Variants in ABCC1 observed in about 807,000 individuals in gnomAD.
ABCC1 encodes the protein multidrug resistance-associated protein 1.
ABCC1 carries 83 observed loss-of-function variants against 172.9 expected under a neutral mutation model. The observed-to-expected ratio is 0.48, with a 90% CI of 0.40 to 0.58. The LOEUF (loss-of-function observed/expected upper bound fraction) is 0.58. Among genes scored for constraint, ABCC1 ranks in the 20% least tolerant of loss-of-function variants. The probability of loss-of-function intolerance (pLI) is 0.00; values close to 1 mark genes in which losing one functional copy is unlikely to be tolerated. For missense variants in ABCC1, 1,817 were observed against 2,002.7 expected, an observed-to-expected ratio of 0.91 and a Z score of 1.77; for synonymous variants, 937 against 825.2, an observed-to-expected ratio of 1.14 and a Z score of -2.32.
At chr16:16,065,934 G>T (rs993366676) in intron 12 of ABCC1, among the ~76,000 whole-genome samples, 3 of 151,974 alleles carry the variant, frequency 2.0e-5, no homozygotes, top group East Asian at 1.9e-4. Flanking sequence ...CAATTCAGTG[G>T]TTTTTTTGTG....
chr16:16,123,026 T>C (rs1158389935), intron 24 of ABCC1, among the ~76,000 whole-genome samples: 4 of 152,202 alleles, frequency 2.6e-5, no homozygotes. Context: ...TGCATCCTTA[T>C]AGACTTTTCT....
rs573963992 is a variant in ABCC1, at chr16:16,079,344, C to T, written c.1989-8C>T. 16 of 1,613,552 alleles carry T rather than the reference C, an allele frequency of 9.9e-6. No individual in the cohort carries two copies. The highest frequency in any genetic ancestry group is 8.9e-5 in the East Asian group (4 of 44,876). On this transcript the variant is annotated splice_region_variant and splice_polypyrimidine_tract_variant and intron_variant, in intron 15 of 30. Coordinates refer to ENST00000399410, the MANE Select transcript of ABCC1 (RefSeq NM_004996.4). The stretch of plus-strand genomic sequence containing the variant: ...CGTGGCTGAGCCAGGTGTGTTGTGT[C>T]GTTTCAGCATCACCTTCTCCATCCC...
At chr16:16,098,938 T>C in intron 19 of ABCC1, 1 of 1,350,476 alleles carries the variant, frequency 7.4e-7, no homozygotes, top group Middle Eastern at 2.2e-4. Context: ...GCTTGGCTCA[T>C]AGAATGAGGC....
intron 1 of ABCC1, among the ~76,000 whole-genome samples, chr16:15,966,141 G>C (rs1376218911): frequency 6.6e-6 from 1 of 152,018 alleles, no homozygotes; most frequent in Non-Finnish European, 1.5e-5. Flanking sequence ...ACAGCAGGGC[G>C]CGGTGGCTCA....
intron 19 of ABCC1, chr16:16,099,001 C>T (rs1237714874): frequency 4.6e-6 from 5 of 1,080,566 alleles, no homozygotes; most frequent in Admixed American, 1.9e-5. Context: ...CGTCAGATGT[C>T]TGTGTTTTCA....
intron 19 of ABCC1, among the ~76,000 whole-genome samples, chr16:16,096,576 C>T (rs748132763): frequency 3.9e-5 from 6 of 152,100 alleles, no homozygotes; most frequent in Non-Finnish European, 8.8e-5. Context: ...CTTTCTCTGC[C>T]GAGGCTGGGG....
intron 1 of ABCC1, among the ~76,000 whole-genome samples, chr16:15,952,093 G>C (rs2045887382): frequency 1.3e-5 from 2 of 152,314 alleles, no homozygotes; most frequent in South Asian, 4.1e-4. Context: ...CCCTCTGTGT[G>C]CCTCACTTTC....
In ABCC1 at chr16:15,997,981, TGTA is replaced by T. The variant is rs1597089619; in HGVS notation, c.49-9834_49-9832del. Among the ~76,000 whole-genome samples, 3 of 151,260 alleles carry T rather than the reference TGTA, an allele frequency of 2.0e-5. No homozygotes were observed. In the East Asian group the frequency reaches 5.8e-4, roughly 29 times the overall value. ...GGCATTTGCCACCATGGCTGGCTAA[TGTA>T]TTTTTTTTTTCTTTTTCAGTAGAGA... On this transcript the variant is annotated intron_variant, in intron 1 of 30. Coordinates refer to ENST00000399410, the MANE Select transcript of ABCC1 (RefSeq NM_004996.4).
chr16:16,012,699 T>C (rs1251391801), intron 3 of ABCC1, among the ~76,000 whole-genome samples: 1 of 136,086 alleles, frequency 7.3e-6, no homozygotes, highest in African/African-American at 3.3e-5. Context: ...TTTTTTTTTT[T>C]TCCTTTGAGG....
Position 16,136,794 on chromosome 16 carries a change from G to T in ABCC1, c.4292+150G>T, listed in dbSNP as rs913333239. ...TTCACCTCTTGGAGCCTCAGTTTCT[G>T]TATCTGTAAAACGGGTCTCAATCCA... On this transcript the variant is annotated intron_variant, in intron 29 of 30. Transcript: ENST00000399410. 35 of 943,378 alleles carry T rather than the reference G, an allele frequency of 3.7e-5. 1 individual carries two copies. In the Admixed American group the frequency reaches 9.7e-4, roughly 26 times the overall value. 58.4% of individuals were successfully genotyped at this position (943,378 alleles called of 1,614,324 possible). A position where few individuals can be genotyped will look rare whatever the true frequency, so the allele number is the denominator to read the frequency against.
chr16:16,128,994 C>T (rs1020973062), intron 26 of ABCC1, among the ~76,000 whole-genome samples: 6 of 151,050 alleles, frequency 4.0e-5, no homozygotes, highest in South Asian at 2.1e-4. Context: ...GACTCTGTCT[C>T]GAAAAACAAA....
In ABCC1 at chr16:16,131,661, AC is replaced by A. The variant is rs1236098709; in HGVS notation, c.3820-122del. ...GGGGAATAACATTCCAGGAAGGGCA[AC>A]CCCCCAGTGCTGAGGCCTGGGAGGC... On this transcript the variant is annotated intron_variant, in intron 26 of 30. Coordinates refer to ENST00000399410, the MANE Select transcript of ABCC1 (RefSeq NM_004996.4). 9 of 1,005,188 alleles carry A rather than the reference AC, an allele frequency of 9.0e-6. No individual in the cohort carries two copies. The East Asian group carries it at 1.3e-4, about 15-fold the overall frequency. The allele number at this position is 1,005,188 out of a possible 1,614,324, so 62.3% of individuals were successfully genotyped here. A position where few individuals can be genotyped will look rare whatever the true frequency, so the allele number is the denominator to read the frequency against.
chr16:16,001,441 C>G (rs543644359), intron 1 of ABCC1, among the ~76,000 whole-genome samples: 1 of 152,134 alleles, frequency 6.6e-6, no homozygotes, highest in South Asian at 2.1e-4. Flanking sequence ...ACCTCGTGAT[C>G]CACCCACCTC....
intron 27 of ABCC1, among the ~76,000 whole-genome samples, chr16:16,132,506 GGTTGTTTTTTTTTTTT>G (rs528111459): frequency 0.024 from 2,385 of 100,944 alleles, 129 homozygotes; most frequent in African/African-American, 0.077. Flanking sequence ...TTTTTTGGTT[GGTTGTTTTTTTTTTTT>G]TTTTTTTTTT....
At chr16:15,989,690 G>A (rs769228062) in intron 1 of ABCC1, among the ~76,000 whole-genome samples, 3 of 152,074 alleles carry the variant, frequency 2.0e-5, no homozygotes, top group Non-Finnish European at 2.9e-5. Context: ...AATCCAGGAC[G>A]GTCCTGCCCC....
chr16:16,136,009 C>A (rs1174996590), intron 28 of ABCC1, among the ~76,000 whole-genome samples: 2 of 78,594 alleles, frequency 2.5e-5, no homozygotes, highest in Non-Finnish European at 5.4e-5. Flanking sequence ...TCAGACTTTC[C>A]AGACTTTTTT....
chr16:16,031,570 G>A (rs181250697), intron 5 of ABCC1, among the ~76,000 whole-genome samples: 2 of 152,244 alleles, frequency 1.3e-5, no homozygotes, highest in Admixed American at 1.3e-4. Flanking sequence ...ACAGCCTCCA[G>A]TGTAGACTAC....
At chr16:16,088,021 T>A (rs988634013) in intron 18 of ABCC1, among the ~76,000 whole-genome samples, 3 of 152,144 alleles carry the variant, frequency 2.0e-5, no homozygotes, top group African/African-American at 7.2e-5. Context: ...TATTTTAAAA[T>A]AGTACAAAAC....
intron 1 of ABCC1, among the ~76,000 whole-genome samples, chr16:15,981,034 A>G (rs2151583833): frequency 6.6e-6 from 1 of 152,292 alleles, no homozygotes; most frequent in South Asian, 2.1e-4. Flanking sequence ...TCATTTCTTA[A>G]AGCTCTGAAA....
Sources: gnomAD v4.1 joint callset for allele counts (sites outside exome capture counted in the v4.1 genomes callset) on GRCh38, gnomAD v4.1.1 for gene constraint, MANE v1.5 for transcripts, NCBI Gene and HGNC (gene_info 2026-07-23, HGNC 2026-07-21) for gene names.